Variants in PACRG observed in about 807,000 individuals in gnomAD.
PACRG encodes parkin coregulated.
A neutral mutation model predicts 29.7 loss-of-function variants in PACRG; 29 were observed. That is an observed-to-expected ratio of 0.98 (90% CI 0.73 to 1.33). The LOEUF is 1.33. PACRG is among the 40% of genes most tolerant of loss of function. The probability of loss-of-function intolerance (pLI) is 0.00; values close to 1 mark genes in which losing one functional copy is unlikely to be tolerated. For synonymous variants in PACRG, 116 were observed against 118.7 expected, an observed-to-expected ratio of 0.98 and a Z score of 0.15; for missense variants, 279 against 316.2, an observed-to-expected ratio of 0.88 and a Z score of 0.89.
chr6:163,148,724 T>C lies in PACRG; in HGVS notation c.613+59316T>C. On this transcript the variant is annotated intron_variant, in intron 4 of 4. Transcript: ENST00000366888. ...ATCTGCCTCCAACTTTGCGTGTCCA[T>C]TTCTGCATGAGATGGAGCATGCGAG... is the stretch of plus-strand genomic sequence containing the variant. Among the ~76,000 whole-genome samples, 2 of 152,102 alleles carry C rather than the reference T, an allele frequency of 1.3e-5. 1 individual carries two copies. The highest frequency in any genetic ancestry group is 2.9e-5 in the Non-Finnish European group (2 of 68,020).
intron 1 of PACRG, among the ~76,000 whole-genome samples, chr6:162,801,463 C>T (rs1407341045): frequency 1.3e-5 from 2 of 150,832 alleles, no homozygotes; most frequent in African/African-American, 2.5e-5. Flanking sequence ...TCTCATAGCA[C>T]CGATTAGAAA....
intron 4 of PACRG, among the ~76,000 whole-genome samples, chr6:163,250,964 C>A (rs965381825): frequency 6.6e-6 from 1 of 150,490 alleles, no homozygotes; most frequent in African/African-American, 2.5e-5. Context: ...TTTGCAGTGA[C>A]CTGGATGAGA....
At chr6:163,088,469 G>A (rs1813794980) in intron 3 of PACRG, among the ~76,000 whole-genome samples, 1 of 152,112 alleles carries the variant, frequency 6.6e-6, no homozygotes, top group Non-Finnish European at 1.5e-5. Context: ...CCAAGAAAGT[G>A]CCAGTAAGTT....
At chr6:162,979,213 A>G (rs1279793633) in intron 2 of PACRG, among the ~76,000 whole-genome samples, 1 of 151,576 alleles carries the variant, frequency 6.6e-6, no homozygotes, top group African/African-American at 2.4e-5. Flanking sequence ...TAAGCTTGCC[A>G]CTCCCTTCCT....
intron 2 of PACRG, among the ~76,000 whole-genome samples, chr6:162,979,598 C>G (rs1289720973): frequency 6.6e-6 from 1 of 152,024 alleles, no homozygotes; most frequent in African/African-American, 2.4e-5. Context: ...AAATCCTTGT[C>G]CAGACTATGT....
chr6:163,204,982 G>C (rs117388118), intron 4 of PACRG, among the ~76,000 whole-genome samples: 8 of 152,282 alleles, frequency 5.3e-5, no homozygotes, highest in Non-Finnish European at 1.2e-4. Flanking sequence ...GTCACAGAAA[G>C]AATAAATACC....
chr6:163,189,986 A>G (rs1382299633), intron 4 of PACRG: 3 of 152,240 alleles, frequency 2.0e-5, no homozygotes, highest in East Asian at 1.9e-4. Context: ...ATTCATTTAT[A>G]TGAAGGAGAA....
intron 1 of PACRG, among the ~76,000 whole-genome samples, chr6:162,788,851 G>T (rs1345967586): frequency 1.3e-5 from 2 of 152,048 alleles, no homozygotes; most frequent in Admixed American, 1.3e-4. Flanking sequence ...AAATAAGGTT[G>T]TTCATTTTCT....
chr6:163,276,035 C>G (rs978691388), intron 4 of PACRG, among the ~76,000 whole-genome samples: 9 of 136,758 alleles, frequency 6.6e-5, no homozygotes, highest in African/African-American at 2.9e-5. Flanking sequence ...TTCTTTCTTT[C>G]TTTTTTATTT....
chr6:163,000,006 T>C (rs1268572132), intron 2 of PACRG, among the ~76,000 whole-genome samples: 3 of 152,230 alleles, frequency 2.0e-5, no homozygotes, highest in East Asian at 1.9e-4. Flanking sequence ...TGGATGTACT[T>C]GTAACATCCT....
chr6:163,028,630 G>A (rs73783980), intron 2 of PACRG, among the ~76,000 whole-genome samples: 23,271 of 151,970 alleles, frequency 0.15, 1,929 homozygotes, highest in East Asian at 0.26. Flanking sequence ...TTAAATATTC[G>A]TTTTTTCATA....
At chr6:163,203,536 G>A (rs1162919828) in intron 4 of PACRG, among the ~76,000 whole-genome samples, 1 of 152,182 alleles carries the variant, frequency 6.6e-6, no homozygotes, top group Non-Finnish European at 1.5e-5. Flanking sequence ...TGTTTGCCTC[G>A]GGTTTTGGGT....
chr6:162,922,590 T>C (rs991039344), intron 2 of PACRG, among the ~76,000 whole-genome samples: 3 of 151,982 alleles, frequency 2.0e-5, no homozygotes, highest in African/African-American at 7.3e-5. Flanking sequence ...CTTCCCAGCC[T>C]CTAGTCACCA....
At chr6:162,948,046 A>G (rs887702727) in intron 2 of PACRG, among the ~76,000 whole-genome samples, 1 of 151,994 alleles carries the variant, frequency 6.6e-6, no homozygotes, top group South Asian at 2.1e-4. Flanking sequence ...AAATATAATT[A>G]TAAAATGTGT....
intron 4 of PACRG, among the ~76,000 whole-genome samples, chr6:163,200,224 G>A (rs1325872709): frequency 2.6e-5 from 4 of 152,016 alleles, no homozygotes; most frequent in Non-Finnish European, 4.4e-5. Flanking sequence ...CAGAAAAAAA[G>A]GCAACTTTTT....
chr6:163,184,787 CAGGCACCCAG>C (rs1779840978), intron 4 of PACRG: 2 of 152,126 alleles, frequency 1.3e-5, no homozygotes, highest in African/African-American at 4.8e-5. Flanking sequence ...AACCTACGTA[CAGGCACCCAG>C]AGACACAAAA....
intron 2 of PACRG, among the ~76,000 whole-genome samples, chr6:162,965,667 C>A (rs866509074): frequency 3.3e-5 from 5 of 152,050 alleles, no homozygotes; most frequent in African/African-American, 9.7e-5. Flanking sequence ...GACCACTGGG[C>A]CTTGGCTAAG....
At chr6:162,778,508 G>A (rs1783828850) in intron 1 of PACRG, among the ~76,000 whole-genome samples, 1 of 152,134 alleles carries the variant, frequency 6.6e-6, no homozygotes, top group African/African-American at 2.4e-5. Flanking sequence ...TTAGGTAAAA[G>A]CAACCAATAC....
intron 4 of PACRG, among the ~76,000 whole-genome samples, chr6:163,265,584 A>G (rs925023414): frequency 2.0e-5 from 3 of 152,228 alleles, no homozygotes; most frequent in Non-Finnish European, 4.4e-5. Flanking sequence ...TAATAAGCAT[A>G]TAGTGTTAGC....
Sources: allele counts gnomAD v4.1 joint callset (sites outside exome capture counted in the v4.1 genomes callset), GRCh38; gene constraint gnomAD v4.1.1; transcripts MANE v1.5; gene names NCBI Gene and HGNC (gene_info 2026-07-23, HGNC 2026-07-21).